The following CCBE1 variants were observed in gnomAD, a reference collection of about 807,000 sequenced individuals.
The protein encoded by CCBE1 is collagen and calcium binding EGF domains 1, also known as collagen and calcium-binding EGF domain-containing protein 1.
In CCBE1, 37 loss-of-function variants were observed where a neutral mutation model predicts 50.0. That is an observed-to-expected ratio of 0.74 (90% CI 0.57 to 0.97). The LOEUF is 0.97. Ranked by LOEUF, CCBE1 falls within the 50% of genes least tolerant of loss-of-function variation. The pLI is 0.00. For synonymous variants in CCBE1, 234 were observed against 203.7 expected, an observed-to-expected ratio of 1.15 and a Z score of -1.27; for missense variants, 538 against 523.8, an observed-to-expected ratio of 1.03 and a Z score of -0.26.
intron 2 of CCBE1, among the ~76,000 whole-genome samples, chr18:59,516,313 G>C (rs1914371259): frequency 6.6e-6 from 1 of 152,066 alleles, no homozygotes; most frequent in Non-Finnish European, 1.5e-5. Context: ...CAAGGAAAGG[G>C]GACAAGGACA....
chr18:59,511,277 A>T (rs1022367348), intron 2 of CCBE1, among the ~76,000 whole-genome samples: 9 of 152,256 alleles, frequency 5.9e-5, no homozygotes, highest in Middle Eastern at 3.2e-3. Context: ...CAAGACGAGC[A>T]GTGGAGCACT....
At chr18:59,480,054 A>G (rs1598937139) in intron 3 of CCBE1, 132 bp downstream of exon 3, 1 of 689,746 alleles carries the variant, frequency 1.4e-6, no homozygotes. Flanking sequence ...TTGATGCCAA[A>G]AAATATACAC....
intron 2 of CCBE1, among the ~76,000 whole-genome samples, chr18:59,576,579 C>T (rs573037209): frequency 6.6e-6 from 1 of 152,258 alleles, no homozygotes; most frequent in East Asian, 1.9e-4. Flanking sequence ...CCTCTGTCTG[C>T]CCTTATTTTG....
rs1218067494 is a variant in CCBE1 at position 59,432,213 on chromosome 18, A to C, written c.*3695T>G. The C allele has an allele frequency of 6.6e-6, 1 of 152,206 alleles. No individual in the cohort carries two copies. The highest frequency in any genetic ancestry group is 1.5e-5 in the Non-Finnish European group (1 of 68,070). 9.4% of individuals were successfully genotyped at this position (152,206 alleles called of 1,614,324 possible). ...CCTGACCTCATGATGCGCCCGCCTC[A>C]GCCTCCCAAAGTGTTGGGATTACAG... On this transcript the variant is annotated 3_prime_UTR_variant, in exon 11 of 11. Transcript: ENST00000439986.
chr18:59,672,313 A>C (rs1337997648), intron 2 of CCBE1, among the ~76,000 whole-genome samples: 2 of 152,318 alleles, frequency 1.3e-5, no homozygotes, highest in Non-Finnish European at 2.9e-5. Flanking sequence ...TCCTGTGCAC[A>C]AGCTGCCGCT....
At chr18:59,540,704 G>A (rs574386660) in intron 2 of CCBE1, among the ~76,000 whole-genome samples, 42 of 152,248 alleles carry the variant, frequency 2.8e-4, no homozygotes, top group African/African-American at 8.7e-4. Context: ...TGGCAAACTG[G>A]CTTTCTGTTT....
chr18:59,547,124 AAGGAGAGAG>A (rs1255948778), intron 2 of CCBE1, among the ~76,000 whole-genome samples: 4 of 132,878 alleles, frequency 3.0e-5, no homozygotes, highest in African/African-American at 1.1e-4. Flanking sequence ...GAAGAGAGGA[AAGGAGAGAG>A]AGGGGAGAGA....
intron 2 of CCBE1, among the ~76,000 whole-genome samples, chr18:59,632,789 AAT>A (rs2053866700): frequency 9.3e-6 from 1 of 107,034 alleles, no homozygotes; most frequent in Non-Finnish European, 1.9e-5. Flanking sequence ...TTATTTTTTT[AAT>A]AGAGACGGGG....
intron 2 of CCBE1, chr18:59,696,387 C>G (rs762851847): frequency 9.9e-7 from 1 of 1,010,646 alleles, no homozygotes; most frequent in Non-Finnish European, 1.4e-6. Flanking sequence ...TTTCAGGGAG[C>G]GGCAACCATC....
chr18:59,562,252 G>A (rs941902037), intron 2 of CCBE1, among the ~76,000 whole-genome samples: 1 of 152,132 alleles, frequency 6.6e-6, no homozygotes, highest in Admixed American at 6.5e-5. Context: ...GGCTAGGCAT[G>A]AACACCTGAC....
chr18:59,652,150 A>G (rs2054135287), intron 2 of CCBE1, among the ~76,000 whole-genome samples: 1 of 152,232 alleles, frequency 6.6e-6, no homozygotes, highest in Non-Finnish European at 1.5e-5. Flanking sequence ...TTCATTTAAC[A>G]CAATGACCTC....
intron 2 of CCBE1, among the ~76,000 whole-genome samples, chr18:59,605,271 T>G (rs1260661198): frequency 6.6e-6 from 1 of 152,228 alleles, no homozygotes; most frequent in Non-Finnish European, 1.5e-5. Flanking sequence ...AGCTAAAGTC[T>G]TTAAGAACAC....
intron 2 of CCBE1, among the ~76,000 whole-genome samples, chr18:59,491,605 G>A (rs1187875535): frequency 7.0e-6 from 1 of 142,880 alleles, no homozygotes; most frequent in East Asian, 1.9e-4. Flanking sequence ...CCTGAGCTCA[G>A]GAGTTCAAGA....
At chr18:59,501,604 C>G (rs1019453724) in intron 2 of CCBE1, among the ~76,000 whole-genome samples, 2 of 152,192 alleles carry the variant, frequency 1.3e-5, no homozygotes, top group African/African-American at 4.8e-5. Flanking sequence ...GAATTCCTAT[C>G]CACCAAGAAG....
chr18:59,601,133 G>C (rs2053426907), intron 2 of CCBE1, among the ~76,000 whole-genome samples: 2 of 142,380 alleles, frequency 1.4e-5, no homozygotes, highest in African/African-American at 5.1e-5. Context: ...CCAGGCTCAA[G>C]TGATTCTTCT....
Position 59,469,527 on chromosome 18 carries a change from C to T in CCBE1, c.346G>A (p.Gly116Arg). The change falls in exon 4 of 11, where the codon GGA (glycine) becomes AGA (arginine). Residue 116 changes from glycine to arginine, a missense_variant. Coordinates refer to ENST00000439986, the MANE Select transcript of CCBE1 (RefSeq NM_133459.4). ...TGTCTCTCCCGGTCATATCGGTATC[C>T]CGGATAACAAGTACACAGCACTCGG... ...FGRVLCTCYP[G>R]YRYDRERHRK... The T allele has an allele frequency of 6.2e-7, 1 of 1,614,194 alleles. No homozygotes were observed. The highest frequency in any genetic ancestry group is 8.5e-7 in the Non-Finnish European group (1 of 1,180,036).
chr18:59,502,818 TAAATC>T lies in CCBE1; in HGVS notation c.213-22585_213-22581del, dbSNP rs1389871133. The stretch of plus-strand genomic sequence containing the variant: ...ATGGTGATTCTGTTGCTAGGCCACT[TAAATC>T]AAACAGTCCTCACTCACTGGCAAGG... On this transcript the variant is annotated intron_variant, in intron 2 of 10. Coordinates refer to ENST00000439986, the MANE Select transcript of CCBE1 (RefSeq NM_133459.4). Among the ~76,000 whole-genome samples the T allele has an allele frequency of 2.0e-5, 3 of 152,188 alleles. No individual in the cohort carries two copies. In the East Asian group the frequency reaches 5.8e-4, roughly 29 times the overall value.
At chr18:59,623,080 G>C (rs1207849163) in intron 2 of CCBE1, among the ~76,000 whole-genome samples, 1 of 152,182 alleles carries the variant, frequency 6.6e-6, no homozygotes, top group Non-Finnish European at 1.5e-5. Context: ...ACTCTGGAAA[G>C]GGGGCACAGA....
intron 2 of CCBE1, among the ~76,000 whole-genome samples, chr18:59,666,496 G>A (rs558663645): frequency 6.6e-6 from 1 of 152,176 alleles, no homozygotes; most frequent in Non-Finnish European, 1.5e-5. Flanking sequence ...GCCAGCAACT[G>A]CAATCACCCA....
Sources: gnomAD v4.1 joint callset for allele counts (sites outside exome capture counted in the v4.1 genomes callset) on GRCh38, gnomAD v4.1.1 for gene constraint, MANE v1.5 for transcripts, NCBI Gene and HGNC (gene_info 2026-07-23, HGNC 2026-07-21) for gene names.